Variants in VPS13C observed in about 807,000 individuals in gnomAD.
The protein encoded by VPS13C is intermembrane lipid transfer protein VPS13C.
In VPS13C, 358 loss-of-function variants were observed where a neutral mutation model predicts 456.8. The ratio of observed to expected loss-of-function variants is 0.78; its 90% CI spans 0.72 to 0.86. The LOEUF (loss-of-function observed/expected upper bound fraction) is 0.86. Among genes scored for constraint, VPS13C ranks in the 40% least tolerant of loss-of-function variants. The pLI is 0.00. For missense variants in VPS13C, 4,818 were observed against 4,385.4 expected, an observed-to-expected ratio of 1.10 and a Z score of -2.79; for synonymous variants, 1,578 against 1,486.7, an observed-to-expected ratio of 1.06 and a Z score of -1.41.
At chr15:61,877,148 C>T in intron 74 of VPS13C, 94 bp from the exon 75 acceptor site, 1 of 839,736 alleles carries the variant, frequency 1.2e-6, no homozygotes, top group Non-Finnish European at 1.8e-6. Flanking sequence ...CTAATCATAG[C>T]CAATTCTTTC....
At chr15:62,013,152 C>A (rs566708989) in intron 10 of VPS13C, 33 bp from the exon 11 acceptor site, 4 of 1,477,728 alleles carry the variant, frequency 2.7e-6, no homozygotes, top group Non-Finnish European at 3.7e-6. Context: ...ATCAGGCAAT[C>A]AACACACTGA....
chr15:61,923,859 A>ATATTTT (rs2043743450), intron 53 of VPS13C, among the ~76,000 whole-genome samples: 1 of 69,354 alleles, frequency 1.4e-5, no homozygotes, highest in African/African-American at 6.1e-5. Flanking sequence ...ACCCCTCTAA[A>ATATTTT]TCTTTTTTTT....
chr15:61,985,788 G>A (rs939978910), intron 18 of VPS13C, among the ~76,000 whole-genome samples: 61 of 152,206 alleles, frequency 4.0e-4, no homozygotes, highest in African/African-American at 1.4e-3. Context: ...AGGTAAAACA[G>A]AGAACCAGGG....
Position 61,961,670 on chromosome 15 carries a change from C to A in VPS13C, c.3827G>T (p.Ser1276Ile). 1.2e-6 allele frequency: 2 copies of A among 1,613,998 alleles called. No individual in the cohort carries two copies. Among genetic ancestry groups the A allele is most frequent in the Non-Finnish European group, 1.7e-6 (2 of 1,179,942 alleles). The part of the protein sequence containing the change: ...LGLIRVHNQF[S>I]LVSDEDYLNP... Reference sequence around the variant, plus strand: ...TAAGTAGTCTTCATCAGACACCAGACTGAACTGATTATGAACTCTGATTAA... The same window carrying A: ...TAAGTAGTCTTCATCAGACACCAGAATGAACTGATTATGAACTCTGATTAA... Residue 1276 changes from serine (S) to isoleucine (I), a missense_variant, in exon 35 of 85, where the codon AGT becomes ATT. Coordinates refer to ENST00000644861, the MANE Select transcript of VPS13C (RefSeq NM_020821.3).
At chr15:62,048,163 G>C (rs2048485880) in intron 1 of VPS13C, among the ~76,000 whole-genome samples, 2 of 146,520 alleles carry the variant, frequency 1.4e-5, no homozygotes, top group Admixed American at 1.4e-4. Flanking sequence ...GTGCAGGTTT[G>C]TTACATATGT....
intron 50 of VPS13C, 23 bp from the exon 51 acceptor site, chr15:61,929,771 T>A: frequency 6.3e-7 from 1 of 1,592,132 alleles, no homozygotes; most frequent in Non-Finnish European, 8.6e-7. Flanking sequence ...ATGCTATTCA[T>A]TATTTTATTC....
In VPS13C at chr15:61,913,363, G is replaced by A. The variant is rs2043359860; in HGVS notation, c.8498C>T (p.Thr2833Ile). 3 of 1,613,930 alleles carry A rather than the reference G, an allele frequency of 1.9e-6. No individual in the cohort carries two copies. The highest frequency in any genetic ancestry group is 1.1e-5 in the South Asian group (1 of 91,086). The change falls in exon 62 of 85, where the codon ACA becomes ATA. Residue 2833 changes from threonine to isoleucine, a missense_variant. Thr to Ile is a moderately conservative substitution (Grantham distance 89, BLOSUM62 -1). Around this residue, in one of 3 missense-constraint regions of VPS13C, gnomAD observed 4,552 missense variants for 4,130.6 expected, o/e 1.10. Transcript: ENST00000644861. ...SAWSSSFSLD[T>I]VGSYGCVKCP... The stretch of plus-strand genomic sequence containing the variant: ...CTTCACACACCCATAACTTCCCACT[G>A]TATCCAATGAGAAACTACTGGACCA...
At position 62,012,956 on chromosome 15, in the gene VPS13C, C is replaced by G. The variant is rs1175850226; in HGVS notation, c.825+83G>C. 3 of 856,112 alleles carry G rather than the reference C, an allele frequency of 3.5e-6. No individual in the cohort carries two copies. The African/African-American group carries it at 5.2e-5, about 15-fold the overall frequency. The allele number at this position is 856,112 out of a possible 1,614,324, so 53.0% of individuals were successfully genotyped here. ...ACAAGTTAAACAAATGGCTGATATC[C>G]TGTCCTCATGAAGGCCCTCTTATAT... On this transcript the variant is annotated intron_variant, in intron 11 of 84. Coordinates refer to ENST00000644861, the MANE Select transcript of VPS13C (RefSeq NM_020821.3).
chr15:61,972,818 T>C, intron 26 of VPS13C, 54 bp from the exon 27 acceptor site: 1 of 1,475,292 alleles, frequency 6.8e-7, no homozygotes, highest in Non-Finnish European at 9.1e-7. Context: ...GAAAACTGCA[T>C]GAAACACTCA....
chr15:62,028,571 T>C (rs1245131439), intron 5 of VPS13C, 151 bp from the exon 6 acceptor site: 1 of 689,296 alleles, frequency 1.5e-6, no homozygotes, highest in Admixed American at 2.7e-5. Flanking sequence ...ACTATTTTAT[T>C]TCTGAGGAAA....
At position 62,044,195 on chromosome 15, in the gene VPS13C, G is replaced by C; in HGVS notation, c.144+17C>G. The C allele has an allele frequency of 2.7e-6, 4 of 1,466,982 alleles. No homozygotes were observed. The highest frequency in any genetic ancestry group is 3.8e-6 in the Non-Finnish European group (4 of 1,066,400). The allele number at this position is 1,466,982 out of a possible 1,614,324, so 90.9% of individuals were successfully genotyped here. A position where few individuals can be genotyped will look rare whatever the true frequency, so the allele number is the denominator to read the frequency against. On this transcript the variant is annotated intron_variant, in intron 2 of 84. Coordinates refer to ENST00000644861, the MANE Select transcript of VPS13C (RefSeq NM_020821.3). The stretch of plus-strand genomic sequence containing the variant: ...CCAAATTAAGTGAGTTATTAGCATA[G>C]TTTAAAAAAAACTTACCAGGGCATT...
intron 5 of VPS13C, among the ~76,000 whole-genome samples, chr15:62,031,577 T>C (rs948279960): frequency 6.6e-6 from 1 of 152,010 alleles, no homozygotes. Context: ...ATTCATCTTT[T>C]AGTCTCAAAA....
intron 77 of VPS13C, among the ~76,000 whole-genome samples, chr15:61,874,122 A>G (rs1021874906): frequency 2.6e-5 from 4 of 152,182 alleles, no homozygotes; most frequent in African/African-American, 9.6e-5. Context: ...TCTGACAGCT[A>G]AAGAAGTTGA....
At position 61,922,480 on chromosome 15, in the gene VPS13C, A is replaced by T; in HGVS notation, c.6892T>A (p.Leu2298Ile). Residue 2298 changes from leucine (L) to isoleucine (I), a missense_variant, in exon 54 of 85, where the codon TTA (leucine) becomes ATA (isoleucine). By Grantham distance (5) the Leu-to-Ile change is conservative (BLOSUM62 2). Coordinates refer to ENST00000644861, the MANE Select transcript of VPS13C (RefSeq NM_020821.3). ...ECGLGHRTVPLLLAESKFSGN... is the reference protein window; with the variant it reads ...ECGLGHRTVPILLAESKFSGN... ...GAAAACTTAGACTCTGCCAATAATA[A>T]AGGTACAGTTCGATGTCCAAGGCCA... 1 of 1,614,076 alleles carries T rather than the reference A, an allele frequency of 6.2e-7. No individual in the cohort carries two copies.
chr15:61,986,084 TACAC>T (rs1213570211), intron 18 of VPS13C, among the ~76,000 whole-genome samples: 1 of 149,644 alleles, frequency 6.7e-6, no homozygotes, highest in Non-Finnish European at 1.5e-5. Context: ...CATATACACA[TACAC>T]ACACACTCTC....
rs746366124 is a variant in VPS13C, at chr15:61,882,673, A to C, written c.9547T>G (p.Phe3183Val). ...AATTCAATCTGAATTCCTGATAAAAAGTCTCGTTTAATAGGGCTACGAATA... is the reference window on the plus strand; with the variant it reads ...AATTCAATCTGAATTCCTGATAAAACGTCTCGTTTAATAGGGCTACGAATA... ...LPIRSPIKRD[F>V]LSGIQIEFKQ... is the part of the protein sequence containing the mutation. Residue 3183 changes from phenylalanine (F) to valine (V), a missense_variant, in exon 69 of 85, where the codon TTT becomes GTT. Phe to Val is a conservative substitution (Grantham distance 50, BLOSUM62 -1). Transcript: ENST00000644861. 7.5e-6 allele frequency: 12 copies of C among 1,600,558 alleles called. No individual in the cohort carries two copies. The highest frequency in any genetic ancestry group is 6.0e-6 in the Non-Finnish European group (7 of 1,173,880).
Position 61,958,733 on chromosome 15 carries a change from TAA to T in VPS13C, c.4057-19_4057-18del. Reference sequence around the variant, plus strand: ...TAGACTAACCTGTAAAATATTATGTTAAAAAAAAAACTATATTACGTTTTAAA... The same window carrying T: ...TAGACTAACCTGTAAAATATTATGTTAAAAAAAACTATATTACGTTTTAAA... On this transcript the variant is annotated intron_variant, in intron 36 of 84. Transcript: ENST00000644861. 1.6e-6 allele frequency: 2 copies of T among 1,223,448 alleles called. No individual in the cohort carries two copies. Among genetic ancestry groups the T allele is most frequent in the South Asian group, 1.6e-5 (1 of 63,164 alleles). 75.8% of individuals were successfully genotyped at this position (1,223,448 alleles called of 1,614,324 possible).
intron 49 of VPS13C, among the ~76,000 whole-genome samples, chr15:61,931,665 C>A (rs995785285): frequency 6.6e-6 from 1 of 151,468 alleles, no homozygotes; most frequent in Non-Finnish European, 1.5e-5. Flanking sequence ...GCATCCTCCA[C>A]CTCCTGCGTT....
Position 61,940,706 on chromosome 15 carries a change from C to T in VPS13C, c.5542G>A (p.Ala1848Thr). The part of the protein sequence containing the change: ...MLLSIQRNLA[A>T]AWYVQIPGME... ...CCTGGAATTTGCACATACCATGCTG[C>T]TGCTAAGTTTCGCTGTATGGACAAA... Residue 1848 changes from alanine to threonine, a missense_variant, in exon 47 of 85, where the codon GCA (alanine) becomes ACA (threonine). Physicochemically the swap from Ala to Thr is moderately conservative, Grantham distance 58. Transcript: ENST00000644861. 1 of 1,613,804 alleles carries T rather than the reference C, an allele frequency of 6.2e-7. No individual in the cohort carries two copies. The highest frequency in any genetic ancestry group is 8.5e-7 in the Non-Finnish European group (1 of 1,179,872).
Sources: gnomAD v4.1 joint callset for allele counts (sites outside exome capture counted in the v4.1 genomes callset) on GRCh38, gnomAD v4.1.1 for gene constraint, gnomAD v4.1.1 regional missense constraint, MANE v1.5 for transcripts, NCBI Gene and HGNC (gene_info 2026-07-23, HGNC 2026-07-21) for gene names.